ST8SIA1: variants seen among roughly 807,000 people sequenced by gnomAD.
ST8SIA1 encodes alpha-N-acetylneuraminide alpha-2,8-sialyltransferase.
In ST8SIA1, 16 loss-of-function variants were observed where a neutral mutation model predicts 35.9. The observed-to-expected ratio is 0.45, with a 90% confidence interval of 0.30 to 0.68. The LOEUF is 0.68. Ranked by LOEUF, ST8SIA1 falls within the 30% of genes least tolerant of loss-of-function variation. The probability of loss-of-function intolerance (pLI) is 0.09; values close to 1 mark genes in which losing one functional copy is unlikely to be tolerated. For synonymous variants in ST8SIA1, 170 were observed against 169.6 expected (o/e 1.00, Z -0.02); for missense variants, 383 against 453.6 (o/e 0.84, Z 1.41).
At chr12:22,289,167 C>A (rs1866143506) in intron 1 of ST8SIA1, among the ~76,000 whole-genome samples, 1 of 152,220 alleles carries the variant, frequency 6.6e-6, no homozygotes, top group South Asian at 2.1e-4. Context: ...GGAGCATTAT[C>A]ACCAGCACGA....
intron 2 of ST8SIA1, among the ~76,000 whole-genome samples, chr12:22,272,766 A>G (rs1172624133): frequency 1.3e-5 from 2 of 152,254 alleles, no homozygotes; most frequent in Non-Finnish European, 2.9e-5. Flanking sequence ...TGGAGATGCC[A>G]GCTCCTGGCA....
chr12:22,264,689 C>A (rs1865827788), intron 2 of ST8SIA1, among the ~76,000 whole-genome samples: 2 of 152,046 alleles, frequency 1.3e-5, no homozygotes, highest in Non-Finnish European at 2.9e-5. Context: ...AAACGTTACA[C>A]ATAATTTTCC....
intron 4 of ST8SIA1, among the ~76,000 whole-genome samples, chr12:22,217,417 T>C (rs934001347): frequency 6.6e-6 from 1 of 152,198 alleles, no homozygotes; most frequent in Admixed American, 6.5e-5. Context: ...ATTTTAAAAA[T>C]AGACTGTATC....
intron 2 of ST8SIA1, among the ~76,000 whole-genome samples, chr12:22,264,222 A>G (rs1195508506): frequency 6.6e-6 from 1 of 151,954 alleles, no homozygotes; most frequent in Non-Finnish European, 1.5e-5. Context: ...CCTCCCACCT[A>G]ATTATGCCCT....
chr12:22,293,772 CCTT>C (rs1392601279), intron 1 of ST8SIA1, among the ~76,000 whole-genome samples: 1 of 152,144 alleles, frequency 6.6e-6, no homozygotes, highest in Non-Finnish European at 1.5e-5. Flanking sequence ...AATAGTTACT[CCTT>C]CTATTCTCAA....
At chr12:22,216,291 T>C (rs750181360) in intron 4 of ST8SIA1, among the ~76,000 whole-genome samples, 4 of 152,204 alleles carry the variant, frequency 2.6e-5, no homozygotes, top group Non-Finnish European at 4.4e-5. Flanking sequence ...TCTCCTCATC[T>C]TCAGATAAAG....
In ST8SIA1 at chr12:22,287,131, A is replaced by T; in HGVS notation, c.381+18T>A. 1 of 1,600,622 alleles carries T rather than the reference A, an allele frequency of 6.2e-7. No individual in the cohort carries two copies. Among genetic ancestry groups the T allele is most frequent in the Non-Finnish European group, 8.5e-7 (1 of 1,173,476 alleles). On this transcript the variant is annotated intron_variant, in intron 2 of 4. Coordinates refer to ENST00000396037, the MANE Select transcript of ST8SIA1 (RefSeq NM_003034.4). ...AAATTTAAGAAACCATACTGAAGGC[A>T]ACCAACTCTATACTAACCTGTGGGA...
intron 1 of ST8SIA1, chr12:22,325,471 T>C (rs1392949841): frequency 5.7e-6 from 4 of 702,026 alleles, no homozygotes; most frequent in Non-Finnish European, 1.0e-5. Context: ...TAGAAGACAG[T>C]TCAACAGAAA....
chr12:22,274,860 C>T (rs1212095953), intron 2 of ST8SIA1, among the ~76,000 whole-genome samples: 1 of 152,170 alleles, frequency 6.6e-6, no homozygotes, highest in African/African-American at 2.4e-5. Context: ...ATGTTATGTG[C>T]CAGACCCTGT....
intron 4 of ST8SIA1, among the ~76,000 whole-genome samples, chr12:22,206,242 G>A (rs1865108157): frequency 6.6e-6 from 1 of 152,066 alleles, no homozygotes; most frequent in South Asian, 2.1e-4. Flanking sequence ...CTGAATCTAG[G>A]TTACCTCAAA....
At chr12:22,253,109 A>G (rs555661984) in intron 3 of ST8SIA1, among the ~76,000 whole-genome samples, 92 of 152,304 alleles carry the variant, frequency 6.0e-4, no homozygotes, top group Non-Finnish European at 1.2e-3. Flanking sequence ...AGTTGCCACA[A>G]TGGGAAGGGC....
At chr12:22,287,336 A>T in intron 1 of ST8SIA1, 43 bp from the exon 2 acceptor site, 1 of 1,589,318 alleles carries the variant, frequency 6.3e-7, no homozygotes. Flanking sequence ...AGCAGGTTAA[A>T]TGAGGAGCAG....
intron 2 of ST8SIA1, among the ~76,000 whole-genome samples, chr12:22,260,716 ACC>A (rs1865779846): frequency 2.0e-5 from 3 of 151,860 alleles, no homozygotes; most frequent in Non-Finnish European, 4.4e-5. Flanking sequence ...ATTATCAGTA[ACC>A]TCTGAAGTCC....
chr12:22,265,454 C>T (rs1865836822), intron 2 of ST8SIA1, among the ~76,000 whole-genome samples: 1 of 152,154 alleles, frequency 6.6e-6, no homozygotes, highest in African/African-American at 2.4e-5. Context: ...CCTTGTAGCC[C>T]GCCTGCCTGC....
chr12:22,303,887 C>CACAA (rs1555161257), intron 1 of ST8SIA1, among the ~76,000 whole-genome samples: 1 of 149,934 alleles, frequency 6.7e-6, no homozygotes, highest in African/African-American at 2.4e-5. Flanking sequence ...CACACACACA[C>CACAA]AAAAGTGGTG....
rs535471882 is a variant in ST8SIA1 at position 22,253,644 on chromosome 12, G to C, written c.491+1636C>G. Among the ~76,000 whole-genome samples, 7 of 152,268 alleles carry C rather than the reference G, an allele frequency of 4.6e-5. No homozygotes were observed. In the South Asian group the frequency reaches 1.0e-3, roughly 23 times the overall value. On this transcript the variant is annotated intron_variant, in intron 3 of 4. Coordinates refer to ENST00000396037, the MANE Select transcript of ST8SIA1 (RefSeq NM_003034.4). ...CCCAGAGCCAGCTCAAGGCCCATAT[G>C]TCATGGGTGCTCAATGAGCAGGTGT...
chr12:22,224,493 T>C (rs1865333641), intron 4 of ST8SIA1, among the ~76,000 whole-genome samples: 1 of 151,902 alleles, frequency 6.6e-6, no homozygotes, highest in Non-Finnish European at 1.5e-5. Flanking sequence ...TATTTTTTAG[T>C]AGAGACAGGG....
intron 1 of ST8SIA1, among the ~76,000 whole-genome samples, chr12:22,290,253 C>T (rs1426341205): frequency 1.3e-5 from 2 of 152,104 alleles, no homozygotes; most frequent in Admixed American, 1.3e-4. Context: ...TGGAGGGTGG[C>T]TAAAAAGAAA....
rs142401232 is a variant in ST8SIA1 at position 22,214,082 on chromosome 12, C to T, written c.585-12044G>A. ...ATCCAAATTTGAACATGTTGAGCCA[C>T]AGACATGAGCCAACAAGAAGAACAG... On this transcript the variant is annotated intron_variant, in intron 4 of 4. Transcript: ENST00000396037. Among the ~76,000 whole-genome samples the T allele has an allele frequency of 1.8e-4, 27 of 152,178 alleles. No homozygotes were observed. The East Asian group carries it at 5.2e-3, about 29-fold the overall frequency.
Sources: gnomAD v4.1 joint callset for allele counts (sites outside exome capture counted in the v4.1 genomes callset) on GRCh38, gnomAD v4.1.1 for gene constraint, MANE v1.5 for transcripts, NCBI Gene and HGNC (gene_info 2026-07-23, HGNC 2026-07-21) for gene names.